Variants in NF2 observed in about 807,000 individuals in gnomAD.
NF2 encodes NF2, moesin-ezrin-radixin like (MERLIN) tumor suppressor.
A neutral mutation model predicts 83.7 loss-of-function variants in NF2; 8 were observed. That is an observed-to-expected ratio of 0.10 (90% CI 0.06 to 0.17). NF2 has a LOEUF of 0.17. Ranked by LOEUF, NF2 falls within the 10% of genes least tolerant of loss-of-function variation. NF2 has a pLI of 1.00. For missense variants in NF2, 533 were observed against 744.4 expected, an observed-to-expected ratio of 0.72 and a Z score of 3.31; for synonymous variants, 266 against 269.6, an observed-to-expected ratio of 0.99 and a Z score of 0.13.
At chr22:29,664,693 G>A (rs1391515856) in intron 8 of NF2, among the ~76,000 whole-genome samples, 3 of 152,248 alleles carry the variant, frequency 2.0e-5, no homozygotes, top group Admixed American at 1.3e-4. Context: ...TAGCCCTCCA[G>A]TGTTGGCCTC....
At chr22:29,609,364 T>C (rs1569263507) in intron 1 of NF2, 1 of 606,446 alleles carries the variant, frequency 1.6e-6, no homozygotes, top group East Asian at 3.7e-5. Context: ...ATCCTGACAC[T>C]GTCCATAGGT....
At chr22:29,649,714 C>G (rs989009976) in intron 4 of NF2, among the ~76,000 whole-genome samples, 1 of 151,290 alleles carries the variant, frequency 6.6e-6, no homozygotes, top group African/African-American at 2.4e-5. Flanking sequence ...TGCACTCTAG[C>G]CTGGGGTGAC....
intron 15 of NF2, chr22:29,683,642 A>AAC (rs2067204379): frequency 9.2e-7 from 1 of 1,086,582 alleles, no homozygotes; most frequent in African/African-American, 1.6e-5. Context: ...AGGGTCTGAT[A>AAC]TGTGAGTCCA....
chr22:29,643,770 A>G (rs1264643437), intron 4 of NF2, among the ~76,000 whole-genome samples: 5 of 152,060 alleles, frequency 3.3e-5, no homozygotes, highest in Non-Finnish European at 5.9e-5. Context: ...CAAAGCCGCC[A>G]TTGTCATCCT....
intron 7 of NF2, among the ~76,000 whole-genome samples, chr22:29,660,146 C>CT (rs1393034366): frequency 1.3e-5 from 2 of 152,200 alleles, no homozygotes; most frequent in African/African-American, 4.8e-5. Context: ...GACCACAGCA[C>CT]TGGCGGGTGG....
At chr22:29,604,206 G>A (rs1016879137) in intron 1 of NF2, 94 bp downstream of exon 1, 5 of 1,040,890 alleles carry the variant, frequency 4.8e-6, no homozygotes, top group East Asian at 2.6e-5. Context: ...AGCTAGAGAC[G>A]GGCAGAACCG....
At chr22:29,631,782 C>T (rs976896336) in intron 1 of NF2, among the ~76,000 whole-genome samples, 1 of 152,198 alleles carries the variant, frequency 6.6e-6, no homozygotes, top group Non-Finnish European at 1.5e-5. Context: ...TGAATCAATG[C>T]ACTTAATCCT....
At chr22:29,689,159 C>T (rs1374614041) in intron 15 of NF2, among the ~76,000 whole-genome samples, 4 of 122,034 alleles carry the variant, frequency 3.3e-5, no homozygotes, top group Admixed American at 1.1e-4. Context: ...AGCCTGGCAA[C>T]GGAGTGAGAC....
At chr22:29,666,349 C>A (rs1279541299) in intron 9 of NF2, among the ~76,000 whole-genome samples, 4 of 152,076 alleles carry the variant, frequency 2.6e-5, no homozygotes, top group African/African-American at 4.8e-5. Flanking sequence ...CCATGTTGGT[C>A]AGGCTGGTCT....
chr22:29,648,654 GTC>G (rs1408620695), intron 4 of NF2, among the ~76,000 whole-genome samples: 1 of 152,196 alleles, frequency 6.6e-6, no homozygotes, highest in Non-Finnish European at 1.5e-5. Flanking sequence ...TGAGACAGCA[GTC>G]TCTCTCTGTC....
rs2067544023 is a variant in NF2, at chr22:29,696,076, T to C, written c.*1274T>C. 2 of 227,150 alleles carry C rather than the reference T, an allele frequency of 8.8e-6. No individual in the cohort carries two copies. Among genetic ancestry groups the C allele is most frequent in the Non-Finnish European group, 1.7e-5 (2 of 116,472 alleles). The allele number at this position is 227,150 out of a possible 1,614,324, so 14.1% of individuals were successfully genotyped here. On this transcript the variant is annotated 3_prime_UTR_variant, in exon 16 of 16. Transcript: ENST00000338641. ...ACCTTCTTGCCCTTTCTTTTTTTTTTTTTTTTTTTTTTTCCGAGATGGAGT... is the reference window on the plus strand; with the variant it reads ...ACCTTCTTGCCCTTTCTTTTTTTTTCTTTTTTTTTTTTTCCGAGATGGAGT...
In NF2 at chr22:29,639,272, G is replaced by A. The variant is rs1601583981; in HGVS notation, c.363+60G>A. 2.5e-6 allele frequency: 4 copies of A among 1,609,074 alleles called. No homozygotes were observed. In the East Asian group the frequency reaches 8.9e-5, roughly 36 times the overall value. ...GAACTTGCCCAGGAGTGGTTGCAGA[G>A]TTGGCCTCAGAGTTGACCACAAACA... On this transcript the variant is annotated intron_variant, in intron 3 of 15. Coordinates refer to ENST00000338641, the MANE Select transcript of NF2 (RefSeq NM_000268.4).
intron 4 of NF2, among the ~76,000 whole-genome samples, chr22:29,644,285 G>T (rs2065913024): frequency 8.0e-5 from 12 of 150,924 alleles, no homozygotes; most frequent in African/African-American, 2.7e-4. Flanking sequence ...CCCAGACGGG[G>T]CGGCGGGGCA....
rs2067494296 is a variant in NF2 at position 29,694,623 on chromosome 22, G to A, written c.1738-129G>A. On this transcript the variant is annotated intron_variant, in intron 15 of 15. Transcript: ENST00000338641. The surrounding 1 kb of genome is among the most constrained non-coding windows in gnomAD (Gnocchi z 4.1). Reference sequence around the variant, plus strand: ...TTGGGACTGACAGCCAACTTCTTGAGCATCTATTTGAACAGCCTTCCCTTT... The same window carrying A: ...TTGGGACTGACAGCCAACTTCTTGAACATCTATTTGAACAGCCTTCCCTTT... The A allele has an allele frequency of 2.2e-6, 2 of 900,724 alleles. No homozygotes were observed. The highest frequency in any genetic ancestry group is 1.8e-6 in the Non-Finnish European group (1 of 552,404). The allele number at this position is 900,724 out of a possible 1,614,324, so 55.8% of individuals were successfully genotyped here.
chr22:29,674,039 A>G (rs1202123410), intron 12 of NF2, among the ~76,000 whole-genome samples: 2 of 152,182 alleles, frequency 1.3e-5, no homozygotes, highest in East Asian at 3.9e-4. Flanking sequence ...CTTTTGAAAG[A>G]CTATTCTAGG....
intron 1 of NF2, among the ~76,000 whole-genome samples, chr22:29,624,859 TTCTTTCTTTCTC>T (rs1424016724): frequency 7.8e-6 from 1 of 127,808 alleles, no homozygotes; most frequent in Non-Finnish European, 1.7e-5. Flanking sequence ...CTTTCTTTCT[TTCTTTCTTTCTC>T]TTTCTCTCCT....
intron 9 of NF2, among the ~76,000 whole-genome samples, chr22:29,665,497 G>T (rs1601631461): frequency 6.6e-6 from 1 of 152,164 alleles, no homozygotes; most frequent in Non-Finnish European, 1.5e-5. Flanking sequence ...ATCCGCCTGG[G>T]CTTCCCAAAG....
intron 4 of NF2, among the ~76,000 whole-genome samples, chr22:29,653,888 C>G (rs1033487981): frequency 6.6e-6 from 1 of 152,076 alleles, no homozygotes; most frequent in African/African-American, 2.4e-5. Context: ...AAGAGATAGG[C>G]TTTGATTTTA....
intron 8 of NF2, among the ~76,000 whole-genome samples, chr22:29,664,679 A>G (rs2066568323): frequency 1.3e-5 from 2 of 152,238 alleles, no homozygotes; most frequent in African/African-American, 2.4e-5. Context: ...GCCCTCGACT[A>G]CAGTAGCCCT....
Sources: allele counts gnomAD v4.1 joint callset (sites outside exome capture counted in the v4.1 genomes callset), GRCh38; gene constraint gnomAD v4.1.1; non-coding constraint Gnocchi (gnomAD v3.1); transcripts MANE v1.5; gene names NCBI Gene and HGNC (gene_info 2026-07-23, HGNC 2026-07-21).